The following ALPK2 variants were observed in gnomAD, a reference collection of about 807,000 sequenced individuals.
ALPK2 encodes the protein alpha-protein kinase 2.
ALPK2 carries 127 observed loss-of-function variants against 163.1 expected under a neutral mutation model. The ratio of observed to expected loss-of-function variants is 0.78; its 90% CI spans 0.67 to 0.90. The LOEUF is 0.90. ALPK2 is among the 40% of genes least tolerant of loss of function. ALPK2 has a pLI of 0.00. For missense variants in ALPK2, 2,360 were observed against 2,589.6 expected, an observed-to-expected ratio of 0.91 and a Z score of 1.92; for synonymous variants, 953 against 959.1, an observed-to-expected ratio of 0.99 and a Z score of 0.12.
At chr18:58,573,613 C>CTTTTTTTCTTTT (rs2051902528) in intron 4 of ALPK2, among the ~76,000 whole-genome samples, 1 of 51,730 alleles carries the variant, frequency 1.9e-5, no homozygotes, top group Non-Finnish European at 3.2e-5. Flanking sequence ...TTTTTGTCTT[C>CTTTTTTTCTTTT]TTTTTTTTTT....
chr18:58,623,917 A>G (rs1282842749), intron 1 of ALPK2, among the ~76,000 whole-genome samples: 1 of 152,160 alleles, frequency 6.6e-6, no homozygotes, highest in Non-Finnish European at 1.5e-5. Flanking sequence ...TAAAGTATAA[A>G]TGCTCCCCAT....
intron 4 of ALPK2, among the ~76,000 whole-genome samples, chr18:58,541,289 AG>A (rs1428515080): frequency 6.6e-6 from 1 of 152,236 alleles, no homozygotes; most frequent in African/African-American, 2.4e-5. Context: ...AGAGCGAGCA[AG>A]GGGGAGGTGC....
At chr18:58,611,275 C>A (rs2052129339) in intron 2 of ALPK2, among the ~76,000 whole-genome samples, 1 of 39,322 alleles carries the variant, frequency 2.5e-5, no homozygotes, top group Non-Finnish European at 3.9e-5. Context: ...AAGACTCCAT[C>A]TCAAAAAAAA....
chr18:58,540,452 G>T (rs983671392), intron 4 of ALPK2, among the ~76,000 whole-genome samples: 1 of 152,150 alleles, frequency 6.6e-6, no homozygotes, highest in East Asian at 1.9e-4. Context: ...AAGGGATAAG[G>T]TATTTTTTTA....
At chr18:58,561,941 C>G (rs573434846) in intron 4 of ALPK2, among the ~76,000 whole-genome samples, 30 of 152,338 alleles carry the variant, frequency 2.0e-4, no homozygotes, top group Non-Finnish European at 2.9e-4. Context: ...TTTCAACAAT[C>G]TGGATGCTGG....
chr18:58,530,290 G>A (rs1001361587), intron 5 of ALPK2, among the ~76,000 whole-genome samples: 1 of 152,148 alleles, frequency 6.6e-6, no homozygotes, highest in Non-Finnish European at 1.5e-5. Context: ...GGGCCTGTTG[G>A]GTAGCAAATC....
intron 10 of ALPK2, among the ~76,000 whole-genome samples, chr18:58,509,406 G>A (rs1235650751): frequency 6.6e-6 from 1 of 151,934 alleles, no homozygotes; most frequent in African/African-American, 2.4e-5. Context: ...CCCAGTAATG[G>A]GATGGCTGGG....
chr18:58,593,553 G>A (rs1568095961), intron 3 of ALPK2, among the ~76,000 whole-genome samples: 1 of 116,020 alleles, frequency 8.6e-6, no homozygotes, highest in South Asian at 2.9e-4. Flanking sequence ...GACAGGAAGG[G>A]ACTCTGTCTC....
chr18:58,576,195 G>A (rs779611115), intron 4 of ALPK2, among the ~76,000 whole-genome samples: 10 of 152,148 alleles, frequency 6.6e-5, no homozygotes, highest in Non-Finnish European at 1.2e-4. Flanking sequence ...TCAATATGGT[G>A]AAACCCTGTC....
At chr18:58,531,781 T>A (rs1385806411) in intron 5 of ALPK2, among the ~76,000 whole-genome samples, 1 of 149,852 alleles carries the variant, frequency 6.7e-6, no homozygotes, top group Admixed American at 6.6e-5. Flanking sequence ...CTACTAAATA[T>A]ACAAAAATTA....
At chr18:58,542,129 C>T (rs573610856) in intron 4 of ALPK2, among the ~76,000 whole-genome samples, 223 of 152,214 alleles carry the variant, frequency 1.5e-3, no homozygotes, top group Admixed American at 3.9e-3. Flanking sequence ...GTGTGTGGTG[C>T]GTGGACTTGG....
At chr18:58,564,288 A>T (rs1039589720) in intron 4 of ALPK2, among the ~76,000 whole-genome samples, 1 of 151,354 alleles carries the variant, frequency 6.6e-6, no homozygotes, top group Non-Finnish European at 1.5e-5. Context: ...ACACCCAGCT[A>T]ATTTTGTATT....
chr18:58,490,515 C>T (rs1024065944), intron 12 of ALPK2, among the ~76,000 whole-genome samples: 3 of 152,066 alleles, frequency 2.0e-5, no homozygotes, highest in Non-Finnish European at 2.9e-5. Flanking sequence ...CTCTGCCTTT[C>T]TTGCCCAGTG....
chr18:58,549,409 C>T (rs1428654303), intron 4 of ALPK2, among the ~76,000 whole-genome samples: 2 of 152,130 alleles, frequency 1.3e-5, no homozygotes, highest in Admixed American at 1.3e-4. Context: ...AACAAACTTT[C>T]CCCTTGTAGA....
chr18:58,621,896 C>T (rs2052202703), intron 1 of ALPK2, among the ~76,000 whole-genome samples: 1 of 152,138 alleles, frequency 6.6e-6, no homozygotes, highest in South Asian at 2.1e-4. Flanking sequence ...GTGGTGAATA[C>T]TGAGCTGGCA....
chr18:58,617,438 C>T (rs905789623), intron 1 of ALPK2, among the ~76,000 whole-genome samples: 11 of 152,188 alleles, frequency 7.2e-5, no homozygotes, highest in African/African-American at 9.7e-5. Flanking sequence ...CTGCCCACCT[C>T]GGCCTCCCAA....
chr18:58,504,051 T>G lies in ALPK2; in HGVS notation c.6127A>C (p.Arg2043=), dbSNP rs2051447576. The G allele has an allele frequency of 6.2e-7, 1 of 1,614,114 alleles. No homozygotes were observed. Among genetic ancestry groups the G allele is most frequent in the Admixed American group, 1.7e-5 (1 of 60,026 alleles). The change falls in exon 11 of 13, where the codon AGG becomes CGG. Residue 2043 remains arginine, a synonymous_variant. Coordinates refer to ENST00000361673, the MANE Select transcript of ALPK2 (RefSeq NM_052947.4). ...AAGAAGTTTATTTCTTTCCCATCCC[T>G]GATGGAATACTTCACAAATTCTCCA... ...LIGEFVKYSI[R]DGKEINFLRR...
intron 6 of ALPK2, among the ~76,000 whole-genome samples, chr18:58,525,336 G>A (rs541935578): frequency 7.2e-5 from 11 of 152,178 alleles, no homozygotes; most frequent in Non-Finnish European, 1.2e-4. Flanking sequence ...AGTTATAAGG[G>A]GAAGACTTCC....
At chr18:58,496,098 G>A (rs758048774) in intron 12 of ALPK2, among the ~76,000 whole-genome samples, 6 of 152,120 alleles carry the variant, frequency 3.9e-5, no homozygotes, top group Admixed American at 2.6e-4. Context: ...GGGATGTGAG[G>A]ACATCAGGCA....
Sources: gnomAD v4.1 joint callset for allele counts (sites outside exome capture counted in the v4.1 genomes callset) on GRCh38, gnomAD v4.1.1 for gene constraint, MANE v1.5 for transcripts, NCBI Gene and HGNC (gene_info 2026-07-23, HGNC 2026-07-21) for gene names.